Variants in ATP10A observed in about 807,000 individuals in gnomAD.
ATP10A encodes the protein phospholipid-transporting ATPase VA.
A neutral mutation model predicts 147.8 loss-of-function variants in ATP10A; 111 were observed. The observed-to-expected ratio is 0.75, with a 90% confidence interval of 0.64 to 0.88. The LOEUF (loss-of-function observed/expected upper bound fraction) is 0.88. Ranked by LOEUF, ATP10A falls within the 40% of genes least tolerant of loss-of-function variation. ATP10A has a pLI of 0.00. For synonymous variants in ATP10A, 875 were observed against 841.6 expected, an observed-to-expected ratio of 1.04 and a Z score of -0.69; for missense variants, 1,927 against 1,959.0, an observed-to-expected ratio of 0.98 and a Z score of 0.31.
chr15:25,816,191 A>C (rs1891647633), intron 1 of ATP10A, among the ~76,000 whole-genome samples: 1 of 151,424 alleles, frequency 6.6e-6, no homozygotes, highest in Non-Finnish European at 1.5e-5. Flanking sequence ...TTATAAGTGA[A>C]ATGAAAGATC....
chr15:25,838,651 T>C (rs1892684650), intron 1 of ATP10A, among the ~76,000 whole-genome samples: 1 of 152,216 alleles, frequency 6.6e-6, no homozygotes, highest in African/African-American at 2.4e-5. Flanking sequence ...ATTTTCTGCA[T>C]CTTTAAACTC....
chr15:25,790,386 C>T (rs1435666959), intron 1 of ATP10A, among the ~76,000 whole-genome samples: 2 of 152,212 alleles, frequency 1.3e-5, no homozygotes, highest in Admixed American at 6.5e-5. Flanking sequence ...CACATGTGTG[C>T]ATGGAGCAGA....
At chr15:25,762,699 A>G (rs1415294512) in intron 2 of ATP10A, among the ~76,000 whole-genome samples, 2 of 152,152 alleles carry the variant, frequency 1.3e-5, no homozygotes, top group East Asian at 3.9e-4. Flanking sequence ...CTCCAGCCTC[A>G]GCCTCCTAAC....
chr15:25,773,903 A>G (rs549526376), intron 2 of ATP10A, among the ~76,000 whole-genome samples: 69 of 152,156 alleles, frequency 4.5e-4, no homozygotes, highest in South Asian at 8.3e-4. Context: ...TCGATCTCAC[A>G]TTGTCACCTC....
intron 12 of ATP10A, among the ~76,000 whole-genome samples, chr15:25,706,502 A>T (rs1567316499): frequency 6.6e-6 from 1 of 152,218 alleles, no homozygotes; most frequent in Non-Finnish European, 1.5e-5. Flanking sequence ...AGGCTGTCCG[A>T]TCAGCCTGCA....
intron 1 of ATP10A, among the ~76,000 whole-genome samples, chr15:25,804,070 G>A (rs530519420): frequency 1.6e-3 from 149 of 92,508 alleles, no homozygotes; most frequent in African/African-American, 5.5e-3. Flanking sequence ...GTGTGTCTAC[G>A]TGCATGGTGT....
intron 13 of ATP10A, among the ~76,000 whole-genome samples, chr15:25,701,092 C>T (rs1900635624): frequency 1.3e-5 from 2 of 152,138 alleles, no homozygotes; most frequent in African/African-American, 4.8e-5. Flanking sequence ...GCGAGGGTCA[C>T]AATGGCGTCT....
At chr15:25,737,507 G>A (rs897864413) in intron 2 of ATP10A, among the ~76,000 whole-genome samples, 1 of 152,190 alleles carries the variant, frequency 6.6e-6, no homozygotes, top group Non-Finnish European at 1.5e-5. Flanking sequence ...TCAGAGCTGT[G>A]TTTGTAATGT....
intron 8 of ATP10A, 63 bp from the exon 9 acceptor site, chr15:25,716,987 G>A: frequency 7.5e-7 from 1 of 1,336,370 alleles, no homozygotes; most frequent in East Asian, 2.5e-5. Flanking sequence ...CTTGGGGCGT[G>A]ACTATTTAAG....
intron 12 of ATP10A, among the ~76,000 whole-genome samples, chr15:25,707,429 G>A (rs922063135): frequency 6.6e-6 from 1 of 151,956 alleles, no homozygotes; most frequent in African/African-American, 2.4e-5. Context: ...TTAATAAATA[G>A]GAAAATAAAT....
chr15:25,720,482 C>A (rs900295431), intron 7 of ATP10A, among the ~76,000 whole-genome samples: 1 of 152,244 alleles, frequency 6.6e-6, no homozygotes, highest in South Asian at 2.1e-4. Context: ...GGTCTCTGAT[C>A]CCCTCAGGAC....
intron 2 of ATP10A, among the ~76,000 whole-genome samples, chr15:25,766,729 C>T (rs956737917): frequency 2.0e-5 from 3 of 152,088 alleles, no homozygotes; most frequent in Non-Finnish European, 4.4e-5. Context: ...GCACCCTGAG[C>T]TCAGTGTCTG....
intron 1 of ATP10A, among the ~76,000 whole-genome samples, chr15:25,790,475 G>A (rs566825509): frequency 8.5e-5 from 13 of 152,266 alleles, no homozygotes; most frequent in Non-Finnish European, 1.9e-4. Flanking sequence ...TTGTCCCAGC[G>A]GAACTCACCC....
chr15:25,736,041 A>T lies in ATP10A; in HGVS notation c.740+15T>A, dbSNP rs776568031. ...CAAACAGAAGGATGCGCGCAGGCAG[A>T]CACACGATACTCACATGCAGCCGCG... On this transcript the variant is annotated intron_variant, in intron 3 of 20. Coordinates refer to ENST00000555815, the MANE Select transcript of ATP10A (RefSeq NM_024490.4). 9.4e-6 allele frequency: 15 copies of T among 1,601,136 alleles called. No individual in the cohort carries two copies. Among genetic ancestry groups the T allele is most frequent in the Non-Finnish European group, 1.3e-5 (15 of 1,168,132 alleles).
rs145087173 is a variant in ATP10A, at chr15:25,683,376, G to C, written c.3402C>G (p.Pro1134=). The C allele has an allele frequency of 1.1e-5, 17 of 1,614,034 alleles. No individual in the cohort carries two copies. The African/African-American group carries it at 1.3e-4, about 13-fold the overall frequency. Residue 1134 remains proline, a synonymous_variant, in exon 17 of 21, where the codon CCC becomes CCG. Coordinates refer to ENST00000555815, the MANE Select transcript of ATP10A (RefSeq NM_024490.4). Reference sequence around the variant, plus strand: ...TGTCCAGCACCCCAGTCACGAGCGGGGGAAGTGACGAGAAGAGCAGATTAA... The same window carrying C: ...TGTCCAGCACCCCAGTCACGAGCGGCGGAAGTGACGAGAAGAGCAGATTAA... ...IFFNLLFSSL[P]PLVTGVLDRD...
intron 2 of ATP10A, among the ~76,000 whole-genome samples, chr15:25,750,670 A>G (rs1361490035): frequency 6.6e-6 from 1 of 151,872 alleles, no homozygotes; most frequent in Non-Finnish European, 1.5e-5. Flanking sequence ...AGCAAAATGT[A>G]TCATAAAAAT....
At chr15:25,861,000 G>A (rs1893734368) in intron 1 of ATP10A, among the ~76,000 whole-genome samples, 2 of 152,146 alleles carry the variant, frequency 1.3e-5, no homozygotes, top group African/African-American at 2.4e-5. Flanking sequence ...TGGAGGCCTC[G>A]CTCAGGGGAC....
chr15:25,719,786 A>G (rs1488739404), intron 7 of ATP10A, among the ~76,000 whole-genome samples: 4 of 152,202 alleles, frequency 2.6e-5, no homozygotes, highest in African/African-American at 4.8e-5. Flanking sequence ...AGCTAGCTCC[A>G]GGTCATCTTG....
At chr15:25,702,234 G>T in intron 12 of ATP10A, 134 bp from the exon 13 acceptor site, 1 of 883,668 alleles carries the variant, frequency 1.1e-6, no homozygotes, top group Non-Finnish European at 1.7e-6. Flanking sequence ...GCCTTGCCAG[G>T]GGCTGGGCTG....
Sources: gnomAD v4.1 joint callset for allele counts (sites outside exome capture counted in the v4.1 genomes callset) on GRCh38, gnomAD v4.1.1 for gene constraint, MANE v1.5 for transcripts, NCBI Gene and HGNC (gene_info 2026-07-23, HGNC 2026-07-21) for gene names.